KLHL7: variants seen among roughly 807,000 people sequenced by gnomAD.
The protein encoded by KLHL7 is kelch like family member 7, also known as kelch-like protein 7.
Under a neutral mutation model 67.4 loss-of-function variants are expected in KLHL7, and 44 were observed. The ratio of observed to expected loss-of-function variants is 0.65; its 90% CI spans 0.51 to 0.84. KLHL7 has a LOEUF of 0.84. KLHL7 is among the 40% of genes least tolerant of loss of function. The pLI, the probability that KLHL7 is intolerant of heterozygous loss-of-function variation, is 0.00. For synonymous variants in KLHL7, 252 were observed against 243.3 expected, an observed-to-expected ratio of 1.04 and a Z score of -0.33; for missense variants, 362 against 718.1, an observed-to-expected ratio of 0.50 and a Z score of 5.67.
At chr7:23,155,575 A>G (rs1223227047) in intron 7 of KLHL7, among the ~76,000 whole-genome samples, 1 of 152,022 alleles carries the variant, frequency 6.6e-6, no homozygotes, top group African/African-American at 2.4e-5. Flanking sequence ...GAGGCAGGAT[A>G]ATCGCTTGAA....
intron 7 of KLHL7, among the ~76,000 whole-genome samples, chr7:23,163,384 C>T (rs7807966): frequency 7.9e-5 from 12 of 151,986 alleles, no homozygotes; most frequent in African/African-American, 2.9e-4. Context: ...GTTGGCCAGG[C>T]TGGTCTTGAA....
chr7:23,142,537 CACTGGAGAAACGTTATAA>C (rs1004729473), intron 5 of KLHL7, among the ~76,000 whole-genome samples: 9 of 152,114 alleles, frequency 5.9e-5, no homozygotes, highest in African/African-American at 2.2e-4. Flanking sequence ...AGTAACATTA[CACTGGAGAAACGTTATAA>C]ACAGTACCTG....
At chr7:23,160,338 G>A (rs1191004790) in intron 7 of KLHL7, among the ~76,000 whole-genome samples, 1 of 152,176 alleles carries the variant, frequency 6.6e-6, no homozygotes, top group Non-Finnish European at 1.5e-5. Flanking sequence ...TAATATCCAT[G>A]TCATGCTTAC....
intron 6 of KLHL7, among the ~76,000 whole-genome samples, chr7:23,150,475 C>T (rs1784496305): frequency 6.6e-6 from 1 of 152,106 alleles, no homozygotes; most frequent in Non-Finnish European, 1.5e-5. Context: ...CTACATCTTG[C>T]TTTTTTTCAT....
In KLHL7 at chr7:23,165,646, T is replaced by C. The variant is rs955319374; in HGVS notation, c.937-52T>C. 2.2e-5 allele frequency: 35 copies of C among 1,600,150 alleles called. No individual in the cohort carries two copies. The Admixed American group carries it at 2.3e-4, about 11-fold the overall frequency. ...TTGACTGTATCTTTGCATTGTCCTTTTCAGTTATATTTTTTTCCTTACTGA... is the reference window on the plus strand; with the variant it reads ...TTGACTGTATCTTTGCATTGTCCTTCTCAGTTATATTTTTTTCCTTACTGA... On this transcript the variant is annotated intron_variant, in intron 7 of 10. Transcript: ENST00000339077.
rs529227452 is a variant in KLHL7 at position 23,167,609 on chromosome 7, T to C, written c.1178-227T>C. On this transcript the variant is annotated intron_variant, in intron 8 of 10. Coordinates refer to ENST00000339077, the MANE Select transcript of KLHL7 (RefSeq NM_001031710.3). ...TTTCTAAAGTTTAATTACCAATAAA[T>C]AAGTATTTCCAACAGATCCTTTTAA... is the stretch of plus-strand genomic sequence containing the variant. Among the ~76,000 whole-genome samples the C allele has an allele frequency of 1.4e-4, 21 of 152,138 alleles. No homozygotes were observed. In the East Asian group the frequency reaches 3.9e-3, roughly 28 times the overall value.
intron 4 of KLHL7, among the ~76,000 whole-genome samples, chr7:23,130,889 G>T (rs1416122788): frequency 1.3e-5 from 2 of 152,190 alleles, no homozygotes; most frequent in African/African-American, 4.8e-5. Context: ...CATGTCTGGG[G>T]AGTATTCCCT....
At chr7:23,129,243 C>T (rs557221937) in intron 4 of KLHL7, 2 of 234,350 alleles carry the variant, frequency 8.5e-6, no homozygotes, top group Non-Finnish European at 1.7e-5. Context: ...TAGGCAAGGG[C>T]ACTGTGTTGT....
rs76045463 is a variant in KLHL7 at position 23,170,451 on chromosome 7, T to C, written c.1379+2414T>C. 7.5e-3 allele frequency among the ~76,000 whole-genome samples: 1,149 copies of C among 152,270 alleles called. 15 individuals carry two copies. The highest frequency in any genetic ancestry group is 0.026 in the African/African-American group (1,081 of 41,548). The stretch of plus-strand genomic sequence containing the variant: ...AGAGTAGAATGATGGTTATCAGAGG[T>C]TGGTTAACAAGTACAGAAATACAGT... On this transcript the variant is annotated intron_variant, in intron 9 of 10. Coordinates refer to ENST00000339077, the MANE Select transcript of KLHL7 (RefSeq NM_001031710.3).
chr7:23,156,525 T>G (rs1271268199), intron 7 of KLHL7, among the ~76,000 whole-genome samples: 6 of 152,220 alleles, frequency 3.9e-5, no homozygotes, highest in Admixed American at 3.9e-4. Context: ...CAGTTTTTAT[T>G]TGGATTCCTC....
chr7:23,122,139 A>G (rs1008734991), intron 1 of KLHL7, among the ~76,000 whole-genome samples: 1 of 151,746 alleles, frequency 6.6e-6, no homozygotes, highest in Admixed American at 6.6e-5. Flanking sequence ...TTGCTGTACA[A>G]AGATCTACAT....
chr7:23,154,943 C>T (rs1392168214), intron 7 of KLHL7, among the ~76,000 whole-genome samples: 1 of 152,148 alleles, frequency 6.6e-6, no homozygotes, highest in African/African-American at 2.4e-5. Flanking sequence ...AAACTTCCAT[C>T]AGTTTCTCTT....
chr7:23,150,327 C>T (rs1784491330), intron 6 of KLHL7, among the ~76,000 whole-genome samples: 1 of 151,862 alleles, frequency 6.6e-6, no homozygotes. Context: ...TTGTATATAC[C>T]CTTCCAGAGG....
At chr7:23,126,664 T>C (rs866671155) in intron 4 of KLHL7, among the ~76,000 whole-genome samples, 1 of 152,176 alleles carries the variant, frequency 6.6e-6, no homozygotes, top group Non-Finnish European at 1.5e-5. Context: ...CCGGACACTT[T>C]AGTACTCCTT....
chr7:23,175,407 T>G lies in KLHL7; in HGVS notation c.*1109T>G. ...TGTTTTTATCTGATAATATTAAATA[T>G]TTTTTAACTTAAAATAGGCCACTCA... On this transcript the variant is annotated 3_prime_UTR_variant, in exon 11 of 11. Coordinates refer to ENST00000339077, the MANE Select transcript of KLHL7 (RefSeq NM_001031710.3). 2.3e-6 allele frequency: 1 copy of G among 438,238 alleles called. No homozygotes were observed. The highest frequency in any genetic ancestry group is 4.5e-6 in the Non-Finnish European group (1 of 222,562). 27.1% of individuals were successfully genotyped at this position (438,238 alleles called of 1,614,324 possible).
At chr7:23,137,833 C>G in intron 4 of KLHL7, among the ~76,000 whole-genome samples, 1 of 127,864 alleles carries the variant, frequency 7.8e-6, no homozygotes, top group Non-Finnish European at 1.6e-5. Flanking sequence ...TCCTAAAATG[C>G]TGGGATTACA....
At chr7:23,138,218 C>T (rs1784050251) in intron 4 of KLHL7, among the ~76,000 whole-genome samples, 1 of 151,172 alleles carries the variant, frequency 6.6e-6, no homozygotes, top group African/African-American at 2.4e-5. Flanking sequence ...AATCCCAGCA[C>T]TTTGGAAGGC....
At chr7:23,148,079 T>C (rs988857526) in intron 6 of KLHL7, among the ~76,000 whole-genome samples, 1 of 152,232 alleles carries the variant, frequency 6.6e-6, no homozygotes, top group Admixed American at 6.5e-5. Context: ...AGTATTTTCA[T>C]TAGACTTATC....
intron 1 of KLHL7, among the ~76,000 whole-genome samples, chr7:23,109,401 CTTCTT>C (rs937955569): frequency 1.3e-5 from 2 of 152,222 alleles, no homozygotes; most frequent in Admixed American, 6.5e-5. Context: ...TTGCCATACT[CTTCTT>C]TTGTGTTAAT....
Sources: gnomAD v4.1 joint callset for allele counts (sites outside exome capture counted in the v4.1 genomes callset) on GRCh38, gnomAD v4.1.1 for gene constraint, MANE v1.5 for transcripts, NCBI Gene and HGNC (gene_info 2026-07-23, HGNC 2026-07-21) for gene names.